PAK3: variants seen among roughly 807,000 people sequenced by gnomAD.
PAK3 encodes the protein p21 (RAC1) activated kinase 3, also known as serine/threonine-protein kinase PAK 3.
PAK3 carries 4 observed loss-of-function variants against 41.0 expected under a neutral mutation model. The ratio of observed to expected loss-of-function variants is 0.10; its 90% CI spans 0.05 to 0.22. PAK3 has a LOEUF of 0.22. Among genes scored for constraint, PAK3 ranks in the 10% least tolerant of loss-of-function variants. The pLI is 1.00. For missense variants in PAK3, 205 were observed against 409.9 expected (o/e 0.50, Z 4.32); for synonymous variants, 146 against 139.6 (o/e 1.05, Z -0.32).
chrX:111,086,559 G>A (rs761611463), intron 1 of PAK3, among the ~76,000 whole-genome samples: 11 of 111,520 alleles, frequency 9.9e-5, no homozygotes, highest in Non-Finnish European at 1.7e-4. Flanking sequence ...TAGTGAGAAA[G>A]TACACCCTTC....
chrX:111,225,027 T>A lies in PAK3; in HGVS notation c.*4580T>A, dbSNP rs774598358. On this transcript the variant is annotated 3_prime_UTR_variant, in exon 18 of 18. Coordinates refer to ENST00000372007, the MANE Select transcript of PAK3 (RefSeq NM_002578.5). ...GAACAAGAGGACTGAAATTCAGCATTTGTAAACTGACAGTTTGATGGGCCT... is the reference window on the plus strand; with the variant it reads ...GAACAAGAGGACTGAAATTCAGCATATGTAAACTGACAGTTTGATGGGCCT... The A allele has an allele frequency of 8.9e-6, 1 of 112,195 alleles. No homozygotes were observed. The highest frequency in any genetic ancestry group is 2.8e-4 in the East Asian group (1 of 3,579). The allele number at this position is 112,195 out of a possible 1,213,427, so 9.2% of individuals were successfully genotyped here.
intron 5 of PAK3, among the ~76,000 whole-genome samples, chrX:111,126,174 C>T (rs191047730): frequency 9.8e-4 from 110 of 111,756 alleles, no homozygotes; most frequent in African/African-American, 3.5e-3. Context: ...TTCATCACCT[C>T]TGGAAATCAT....
At chrX:111,095,428 T>C (rs1334376956), upstream of PAK3, among the ~76,000 whole-genome samples, 1 of 111,812 alleles carries the variant, frequency 8.9e-6, no homozygotes, top group Non-Finnish European at 1.9e-5. Context: ...AGTATGGATT[T>C]TGGAGTAGCA....
intron 16 of PAK3, among the ~76,000 whole-genome samples, chrX:111,211,674 C>CAAA (rs200390666): frequency 1.8e-5 from 1 of 55,139 alleles, no homozygotes; most frequent in African/African-American, 6.1e-5. Context: ...GACTTTGTCT[C>CAAA]AAAAAAAAAA....
intron 5 of PAK3, among the ~76,000 whole-genome samples, chrX:111,138,235 A>G (rs775232866): frequency 2.7e-5 from 3 of 110,711 alleles, no homozygotes; most frequent in Non-Finnish European, 5.7e-5. Context: ...CCTGCCTCAT[A>G]TGACTGTTGC....
chrX:110,978,804 G>A (rs746254146), intron 1 of PAK3, among the ~76,000 whole-genome samples: 1 of 89,722 alleles, frequency 1.1e-5, no homozygotes, highest in East Asian at 3.3e-4. Context: ...TCTTTGTCTG[G>A]TTTTGTTATC....
At chrX:111,174,428 T>C (rs2094383437) in intron 11 of PAK3, among the ~76,000 whole-genome samples, 1 of 111,490 alleles carries the variant, frequency 9.0e-6, no homozygotes, top group South Asian at 3.8e-4. Context: ...GTCAAAACCA[T>C]AATGACATTG....
intron 3 of PAK3, among the ~76,000 whole-genome samples, chrX:111,099,687 G>A (rs2093086940): frequency 9.7e-6 from 1 of 102,851 alleles, no homozygotes; most frequent in African/African-American, 3.6e-5. Context: ...CAGAAGTCAA[G>A]TGTTATGGAG....
chrX:111,089,071 T>C (rs2092910959), intron 1 of PAK3, among the ~76,000 whole-genome samples: 1 of 112,095 alleles, frequency 8.9e-6, no homozygotes, highest in African/African-American at 3.2e-5. Context: ...AAATAGTTAA[T>C]GGAAAAATGT....
chrX:111,090,627 A>G (rs920733440), intron 1 of PAK3, among the ~76,000 whole-genome samples: 5 of 111,574 alleles, frequency 4.5e-5, no homozygotes, highest in Non-Finnish European at 9.4e-5. Flanking sequence ...GGTTGTCACG[A>G]CAACCAGCAA....
chrX:111,014,926 C>A (rs2148713508), intron 1 of PAK3, among the ~76,000 whole-genome samples: 1 of 111,377 alleles, frequency 9.0e-6, no homozygotes, highest in Non-Finnish European at 1.9e-5. Flanking sequence ...CTCCTTCTGG[C>A]TAGAGAAGCC....
chrX:111,093,081 C>T (rs750188836), upstream of PAK3, among the ~76,000 whole-genome samples: 12 of 111,851 alleles, frequency 1.1e-4, 1 homozygote, highest in Admixed American at 7.6e-4. Context: ...CCCAGCGCTT[C>T]TCACTTCTCA....
At chrX:111,003,699 C>A (rs1483777219) in intron 1 of PAK3, among the ~76,000 whole-genome samples, 1 of 111,759 alleles carries the variant, frequency 8.9e-6, no homozygotes, top group Admixed American at 9.6e-5. Flanking sequence ...GGGATGACTT[C>A]ATGGAGGAGA....
chrX:111,063,820 GAAA>G lies in PAK3; in HGVS notation c.-27-59242_-27-59240del, dbSNP rs142033510. 9.4e-3 allele frequency among the ~76,000 whole-genome samples: 838 copies of G among 89,112 alleles called. 4 individuals are homozygous for G. Among genetic ancestry groups the G allele is most frequent in the South Asian group, 0.021 (34 of 1,615 alleles). The allele number at this position is 89,112 out of a possible 115,157, so 77.4% of individuals were successfully genotyped here. On this transcript the variant is annotated intron_variant, in intron 1 of 14. Transcript: ENST00000425146. ...CAGCCTGGGTGACAGAGACTGTCTC[GAAA>G]AAAAAAAAAAAAAATCAATGACTCC...
At chrX:111,193,796 A>G (rs1034242456) in intron 13 of PAK3, among the ~76,000 whole-genome samples, 1 of 112,108 alleles carries the variant, frequency 8.9e-6, no homozygotes, top group African/African-American at 3.2e-5. Flanking sequence ...AACAAAAAAA[A>G]CAATGCATTT....
At chrX:111,054,924 A>G (rs2092590914) in intron 1 of PAK3, among the ~76,000 whole-genome samples, 1 of 111,828 alleles carries the variant, frequency 8.9e-6, no homozygotes, top group African/African-American at 3.3e-5. Context: ...GTCAGTGTCC[A>G]TGCAGAATCT....
At chrX:111,157,427 A>C (rs2094120496) in intron 8 of PAK3, among the ~76,000 whole-genome samples, 1 of 111,644 alleles carries the variant, frequency 9.0e-6, no homozygotes, top group Non-Finnish European at 1.9e-5. Context: ...ACATAAGAGC[A>C]TGTGTCTACC....
chrX:111,176,895 T>C (rs1298966330), intron 11 of PAK3, among the ~76,000 whole-genome samples: 1 of 109,404 alleles, frequency 9.1e-6, no homozygotes, highest in Non-Finnish European at 1.9e-5. Flanking sequence ...TTTTTGATCT[T>C]AGTAGATTGT....
intron 5 of PAK3, among the ~76,000 whole-genome samples, chrX:111,137,547 A>G (rs1360875132): frequency 9.0e-6 from 1 of 111,231 alleles, no homozygotes; most frequent in African/African-American, 3.3e-5. Context: ...GAAAATGTAG[A>G]AAAAAAATGT....
Sources: allele counts gnomAD v4.1 joint callset (sites outside exome capture counted in the v4.1 genomes callset), GRCh38; gene constraint gnomAD v4.1.1; transcripts MANE v1.5; gene names NCBI Gene and HGNC (gene_info 2026-07-23, HGNC 2026-07-21).